NFKB1: variants seen among roughly 807,000 people sequenced by gnomAD.
NFKB1 encodes nuclear factor kappa B subunit 1.
A neutral mutation model predicts 105.1 loss-of-function variants in NFKB1; 9 were observed. That is an observed-to-expected ratio of 0.09 (90% confidence interval 0.05 to 0.15). The LOEUF is 0.15. NFKB1 is among the 10% of genes least tolerant of loss of function. The pLI is 1.00. For synonymous variants in NFKB1, 440 were observed against 442.2 expected, an observed-to-expected ratio of 1.00 and a Z score of 0.06; for missense variants, 830 against 1,203.7, an observed-to-expected ratio of 0.69 and a Z score of 4.59.
intron 4 of NFKB1, among the ~76,000 whole-genome samples, chr4:102,535,817 C>T (rs1344164373): frequency 2.0e-5 from 3 of 151,584 alleles, no homozygotes; most frequent in African/African-American, 7.3e-5. Context: ...ACATACGTGT[C>T]TATATTTTTC....
In NFKB1 at chr4:102,608,702, A is replaced by G. The variant is rs575529918; in HGVS notation, c.2227+951A>G. The stretch of plus-strand genomic sequence containing the variant: ...AAAAGGTAAATGCTTCATAAATTCA[A>G]GAAAACAAAGCAAAAGACATAGGAA... On this transcript the variant is annotated intron_variant, in intron 19 of 23. Coordinates refer to ENST00000226574, the MANE Select transcript of NFKB1 (RefSeq NM_003998.4). Among the ~76,000 whole-genome samples the G allele has an allele frequency of 5.9e-5, 9 of 152,174 alleles. No individual in the cohort carries two copies. The South Asian group carries it at 1.9e-3, about 32-fold the overall frequency.
chr4:102,594,413 C>T (rs1264562191), intron 12 of NFKB1, among the ~76,000 whole-genome samples: 1 of 152,126 alleles, frequency 6.6e-6, no homozygotes, highest in African/African-American at 2.4e-5. Flanking sequence ...CATCTAATGC[C>T]ATCTGTTTTC....
intron 10 of NFKB1, 100 bp downstream of exon 10, chr4:102,583,057 G>A (rs182712997): frequency 9.5e-6 from 7 of 733,364 alleles, no homozygotes; most frequent in Admixed American, 7.0e-5. Flanking sequence ...ACAGCTCACT[G>A]TATCCCCCAA....
intron 2 of NFKB1, among the ~76,000 whole-genome samples, chr4:102,526,587 TTTATATAAGTA>T: frequency 6.6e-6 from 1 of 152,166 alleles, no homozygotes; most frequent in East Asian, 1.9e-4. Flanking sequence ...TTTGAAGATC[TTTATATAAGTA>T]CTGACTACTA....
intron 6 of NFKB1, among the ~76,000 whole-genome samples, chr4:102,570,581 A>C (rs1020484081): frequency 6.6e-6 from 1 of 152,166 alleles, no homozygotes; most frequent in African/African-American, 2.4e-5. Context: ...TGTACCCAAC[A>C]GTGGGATTGC....
intron 1 of NFKB1, chr4:102,503,469 T>A (rs1166168078): frequency 6.6e-6 from 1 of 152,034 alleles, no homozygotes; most frequent in Non-Finnish European, 1.5e-5. Context: ...ACTTCTAAAC[T>A]CTTTGAGACT....
At position 102,508,016 on chromosome 4, in the gene NFKB1, T is replaced by C. The variant is rs1414825683; in HGVS notation, c.-8+6228T>C. Among the ~76,000 whole-genome samples the C allele has an allele frequency of 1.2e-3, 188 of 152,346 alleles. 3 individuals are homozygous for C. Among genetic ancestry groups the C allele is most frequent in the Non-Finnish European group, 3.4e-4 (23 of 68,014 alleles). On this transcript the variant is annotated intron_variant, in intron 1 of 23. Transcript: ENST00000226574. The stretch of plus-strand genomic sequence containing the variant: ...GATTACTTAATTGTCTTAGAAAATA[T>C]GTCTTCCATGACAAGAATTTTAGGA...
intron 1 of NFKB1, among the ~76,000 whole-genome samples, chr4:102,524,315 G>C (rs1740757924): frequency 6.6e-6 from 1 of 152,140 alleles, no homozygotes; most frequent in South Asian, 2.1e-4. Context: ...TTAATGTTTA[G>C]CTGGAGTTGA....
intron 5 of NFKB1, among the ~76,000 whole-genome samples, chr4:102,557,778 AG>A (rs1158497964): frequency 6.6e-6 from 1 of 152,190 alleles, no homozygotes; most frequent in Admixed American, 6.5e-5. Flanking sequence ...TTGGAATTTG[AG>A]GGAAGAACTG....
intron 22 of NFKB1, 104 bp from the exon 23 acceptor site, chr4:102,613,321 T>G: frequency 8.5e-7 from 1 of 1,178,622 alleles, no homozygotes. Flanking sequence ...GGCTCCTGAG[T>G]GGAGGAGGCA....
chr4:102,551,378 A>C (rs868031613), intron 5 of NFKB1, among the ~76,000 whole-genome samples: 1 of 94,536 alleles, frequency 1.1e-5, no homozygotes. Flanking sequence ...GCGCGCGCGC[A>C]TGTGTGTGTG....
At chr4:102,613,715 C>T in intron 23 of NFKB1, 134 bp downstream of exon 23, 3 of 1,072,326 alleles carry the variant, frequency 2.8e-6, no homozygotes, top group Admixed American at 2.7e-5. Context: ...TCTCTCTACC[C>T]CCTGGGCTCA....
chr4:102,565,563 G>A (rs1050362949), intron 5 of NFKB1, among the ~76,000 whole-genome samples: 1 of 152,266 alleles, frequency 6.6e-6, no homozygotes, highest in East Asian at 1.9e-4. Flanking sequence ...TAGTCGAAAA[G>A]GATTCTGTCT....
intron 20 of NFKB1, among the ~76,000 whole-genome samples, chr4:102,611,185 A>G (rs2149228702): frequency 6.6e-6 from 1 of 152,346 alleles, no homozygotes; most frequent in East Asian, 1.9e-4. Context: ...GGTATAAAGC[A>G]GTTACTAGGT....
chr4:102,591,492 T>A (rs1395490761), intron 11 of NFKB1, among the ~76,000 whole-genome samples: 1 of 151,604 alleles, frequency 6.6e-6, no homozygotes. Context: ...TTGAAGCCAG[T>A]GCTCATTTAT....
chr4:102,538,626 C>T (rs1741791619), intron 5 of NFKB1, among the ~76,000 whole-genome samples: 1 of 152,080 alleles, frequency 6.6e-6, no homozygotes. Flanking sequence ...TTACCATGTT[C>T]AGGCTGTTTG....
chr4:102,613,139 G>A (rs564339226), intron 22 of NFKB1, among the ~76,000 whole-genome samples: 7 of 152,134 alleles, frequency 4.6e-5, no homozygotes, highest in South Asian at 2.1e-4. Flanking sequence ...CTGTGTAGAC[G>A]TCACTGTAGG....
At chr4:102,591,813 TA>T (rs1480664693) in intron 11 of NFKB1, among the ~76,000 whole-genome samples, 1 of 152,250 alleles carries the variant, frequency 6.6e-6, no homozygotes, top group Non-Finnish European at 1.5e-5. Context: ...TCTTATTGTT[TA>T]AGAAATACAT....
At chr4:102,516,062 A>G (rs1000308135) in intron 1 of NFKB1, among the ~76,000 whole-genome samples, 1 of 152,068 alleles carries the variant, frequency 6.6e-6, no homozygotes, top group East Asian at 1.9e-4. Flanking sequence ...GTGCCTTTAC[A>G]TTGCCTTCTA....
Sources: gnomAD v4.1 joint callset for allele counts (sites outside exome capture counted in the v4.1 genomes callset) on GRCh38, gnomAD v4.1.1 for gene constraint, MANE v1.5 for transcripts, NCBI Gene and HGNC (gene_info 2026-07-23, HGNC 2026-07-21) for gene names.